The following STPG2 variants were observed in gnomAD, a reference collection of about 807,000 sequenced individuals.
The protein encoded by STPG2 is sperm-tail PG-rich repeat-containing protein 2.
A neutral mutation model predicts 54.2 loss-of-function variants in STPG2; 56 were observed. The ratio of observed to expected loss-of-function variants is 1.03; its 90% CI spans 0.83 to 1.29. The LOEUF (loss-of-function observed/expected upper bound fraction) is 1.29, where lower values mean the gene tolerates loss of function less well. STPG2 is among the 50% of genes most tolerant of loss of function. The probability of loss-of-function intolerance (pLI) is 0.00; values close to 1 mark genes in which losing one functional copy is unlikely to be tolerated. For synonymous variants in STPG2, 200 were observed against 181.8 expected, an observed-to-expected ratio of 1.10 and a Z score of -0.81; for missense variants, 596 against 544.9, an observed-to-expected ratio of 1.09 and a Z score of -0.93.
At position 98,143,215 on chromosome 4, in the gene STPG2, T is replaced by C. The variant is rs1740353723; in HGVS notation, c.-65A>G. 2 of 1,300,330 alleles carry C rather than the reference T, an allele frequency of 1.5e-6. No individual in the cohort carries two copies. Among genetic ancestry groups the C allele is most frequent in the African/African-American group, 1.5e-5 (1 of 67,676 alleles). 80.5% of individuals were successfully genotyped at this position (1,300,330 alleles called of 1,614,324 possible). A position where few individuals can be genotyped will look rare whatever the true frequency, so the allele number is the denominator to read the frequency against. ...CCGAAAACGATAAAAACAAGGTAGC[T>C]AGAAGTGTGGAGAAAAAGGAAGCCG... On this transcript the variant is annotated 5_prime_UTR_variant, in exon 1 of 11. An upstream open reading frame in the 5' UTR loses its in-frame stop. Coordinates refer to ENST00000295268, the MANE Select transcript of STPG2 (RefSeq NM_174952.3).
At chr4:98,116,514 T>C (rs1739530037) in intron 3 of STPG2, among the ~76,000 whole-genome samples, 1 of 151,910 alleles carries the variant, frequency 6.6e-6, no homozygotes, top group Admixed American at 6.6e-5. Context: ...TTACACTTCT[T>C]TGCATAACTT....
At chr4:98,073,193 TC>T (rs1193695264) in intron 5 of STPG2, among the ~76,000 whole-genome samples, 1 of 152,172 alleles carries the variant, frequency 6.6e-6, no homozygotes, top group Non-Finnish European at 1.5e-5. Context: ...ACTTGTCCTG[TC>T]TTGTACATTA....
chr4:97,857,650 CT>C (rs1220137743), intron 8 of STPG2, among the ~76,000 whole-genome samples: 1 of 151,840 alleles, frequency 6.6e-6, no homozygotes, highest in Non-Finnish European at 1.5e-5. Context: ...TCTCTATCTC[CT>C]TCAATTATGC....
At chr4:97,752,534 C>A (rs1451260886) in intron 9 of STPG2, among the ~76,000 whole-genome samples, 1 of 151,768 alleles carries the variant, frequency 6.6e-6, no homozygotes, top group Non-Finnish European at 1.5e-5. Context: ...TATCACCTCT[C>A]TGCTTTAGCA....
At chr4:97,706,924 A>G (rs1329547212) in intron 10 of STPG2, among the ~76,000 whole-genome samples, 1 of 152,184 alleles carries the variant, frequency 6.6e-6, no homozygotes, top group Non-Finnish European at 1.5e-5. Context: ...TAATTGAAGG[A>G]AAAATGAGGC....
rs150798540 is a variant in STPG2 at position 97,587,591 on chromosome 4, G to A, written c.1321-28474C>T. Among the ~76,000 whole-genome samples the A allele has an allele frequency of 4.1e-3, 630 of 151,938 alleles. 3 individuals are homozygous for A. Among genetic ancestry groups the A allele is most frequent in the South Asian group, 0.021 (100 of 4,818 alleles). ...TCCTGTGGCCTTATTTTTAACTTAC[G>A]GTGTTTTTAATAGTGGCCCAATTCC... On this transcript the variant is annotated intron_variant, in intron 10 of 10. Coordinates refer to ENST00000295268, the MANE Select transcript of STPG2 (RefSeq NM_174952.3).
At chr4:97,471,990 C>T (rs1729947796) in intron 4 of STPG2, among the ~76,000 whole-genome samples, 1 of 152,106 alleles carries the variant, frequency 6.6e-6, no homozygotes, top group South Asian at 2.1e-4. Flanking sequence ...CATATGAAGA[C>T]TGATTTATTT....
intron 9 of STPG2, among the ~76,000 whole-genome samples, chr4:97,797,328 C>T (rs1056545808): frequency 4.6e-5 from 7 of 152,090 alleles, no homozygotes; most frequent in African/African-American, 1.4e-4. Flanking sequence ...GTGGGTTTGT[C>T]ATAAATAGCT....
At chr4:97,525,842 CT>C (rs921650166) in intron 4 of STPG2, among the ~76,000 whole-genome samples, 8 of 151,998 alleles carry the variant, frequency 5.3e-5, no homozygotes, top group Admixed American at 3.9e-4. Context: ...TGATGATGAG[CT>C]TTTTTTCATG....
intron 9 of STPG2, among the ~76,000 whole-genome samples, chr4:97,817,796 A>G (rs1342592374): frequency 1.3e-5 from 2 of 151,960 alleles, no homozygotes; most frequent in African/African-American, 2.4e-5. Flanking sequence ...AAAATTTTCT[A>G]TATTTTCTTA....
intron 8 of STPG2, among the ~76,000 whole-genome samples, chr4:97,914,471 A>C (rs1417762954): frequency 6.6e-6 from 1 of 152,128 alleles, no homozygotes; most frequent in African/African-American, 2.4e-5. Context: ...ATAATTTTTA[A>C]GTGTACAGTT....
chr4:97,883,910 T>C (rs1259027088), intron 8 of STPG2, among the ~76,000 whole-genome samples: 1 of 151,812 alleles, frequency 6.6e-6, no homozygotes, highest in African/African-American at 2.4e-5. Context: ...GAGAACACCA[T>C]GCAGGATAAA....
intron 9 of STPG2, among the ~76,000 whole-genome samples, chr4:97,837,946 A>G (rs952478443): frequency 2.0e-5 from 3 of 151,550 alleles, no homozygotes; most frequent in Non-Finnish European, 3.0e-5. Flanking sequence ...TAATTTTCCA[A>G]TAATTCTCTA....
intron 5 of STPG2, among the ~76,000 whole-genome samples, chr4:98,060,651 C>A (rs192678049): frequency 8.5e-5 from 13 of 152,242 alleles, no homozygotes; most frequent in African/African-American, 3.1e-4. Context: ...CAACACACTA[C>A]CCAAATTCAA....
At chr4:97,937,935 T>TGGG (rs961598228) in intron 8 of STPG2, among the ~76,000 whole-genome samples, 11 of 152,134 alleles carry the variant, frequency 7.2e-5, no homozygotes, top group Non-Finnish European at 1.0e-4. Flanking sequence ...GTACTGCACT[T>TGGG]GGGGCAAACC....
intron 9 of STPG2, among the ~76,000 whole-genome samples, chr4:97,774,948 C>A (rs1336480463): frequency 6.6e-6 from 1 of 152,162 alleles, no homozygotes; most frequent in Non-Finnish European, 1.5e-5. Context: ...TCCCATATGA[C>A]CGGCTCAGTG....
chr4:98,037,188 A>G (rs987007734), intron 5 of STPG2, among the ~76,000 whole-genome samples: 40 of 152,100 alleles, frequency 2.6e-4, no homozygotes, highest in African/African-American at 8.9e-4. Flanking sequence ...TAAAATCTTC[A>G]TACCAAAACC....
intron 8 of STPG2, among the ~76,000 whole-genome samples, chr4:97,920,782 C>T (rs952747681): frequency 2.6e-5 from 4 of 152,154 alleles, no homozygotes; most frequent in African/African-American, 9.7e-5. Flanking sequence ...CACATAAGGA[C>T]TGTGGCAACT....
chr4:98,142,897 A>C, intron 1 of STPG2, 145 bp downstream of exon 1: 1 of 726,268 alleles, frequency 1.4e-6, no homozygotes, highest in South Asian at 1.6e-5. Context: ...ATAAAAGTAT[A>C]GTGTTTTCCC....
Sources: allele counts gnomAD v4.1 joint callset (sites outside exome capture counted in the v4.1 genomes callset), GRCh38; gene constraint gnomAD v4.1.1; transcripts MANE v1.5; gene names NCBI Gene and HGNC (gene_info 2026-07-23, HGNC 2026-07-21).